Variants in PRKCB observed in about 807,000 individuals in gnomAD.
PRKCB encodes protein kinase C beta.
Under a neutral mutation model 81.5 loss-of-function variants are expected in PRKCB, and 13 were observed. The ratio of observed to expected loss-of-function variants is 0.16; its 90% CI spans 0.10 to 0.25. PRKCB has a LOEUF of 0.25. Ranked by LOEUF, PRKCB falls within the 10% of genes least tolerant of loss-of-function variation. PRKCB has a pLI of 1.00. For synonymous variants in PRKCB, 335 were observed against 321.4 expected (o/e 1.04, Z -0.45); for missense variants, 509 against 875.7 (o/e 0.58, Z 5.29).
chr16:23,878,710 AT>A (rs1486115359), intron 2 of PRKCB, among the ~76,000 whole-genome samples: 1 of 152,232 alleles, frequency 6.6e-6, no homozygotes, highest in African/African-American at 2.4e-5. Context: ...TTATAAATAA[AT>A]TTTAGCAAGA....
intron 2 of PRKCB, among the ~76,000 whole-genome samples, chr16:23,908,204 C>A (rs937826242): frequency 6.6e-6 from 1 of 151,848 alleles, no homozygotes; most frequent in African/African-American, 2.4e-5. Flanking sequence ...AGAGCTGGGG[C>A]GGCGGGGATT....
At chr16:24,109,592 G>A (rs1480110287) in intron 7 of PRKCB, among the ~76,000 whole-genome samples, 1 of 126,922 alleles carries the variant, frequency 7.9e-6, no homozygotes, top group African/African-American at 3.9e-5. Context: ...GTGGGATGGC[G>A]GCCGGGCGGA....
intron 2 of PRKCB, among the ~76,000 whole-genome samples, chr16:23,882,155 T>C (rs1347694060): frequency 2.7e-5 from 4 of 149,804 alleles, no homozygotes; most frequent in Admixed American, 6.7e-5. Context: ...TCACAGCTCA[T>C]GGCAGCCTTG....
At chr16:24,016,702 A>G (rs1363534778) in intron 3 of PRKCB, among the ~76,000 whole-genome samples, 1 of 152,114 alleles carries the variant, frequency 6.6e-6, no homozygotes, top group East Asian at 1.9e-4. Flanking sequence ...TTTCTGGAAA[A>G]ACACAAGAAG....
intron 5 of PRKCB, among the ~76,000 whole-genome samples, chr16:24,077,019 C>T (rs1366813674): frequency 1.3e-5 from 2 of 152,188 alleles, no homozygotes; most frequent in Admixed American, 1.3e-4. Context: ...CCCAGCTGCT[C>T]CCCTGGGATC....
chr16:23,927,317 A>T (rs1342945151), intron 2 of PRKCB, among the ~76,000 whole-genome samples: 2 of 152,046 alleles, frequency 1.3e-5, no homozygotes, highest in Non-Finnish European at 2.9e-5. Context: ...GAAGAACCAA[A>T]ATCACTTTGG....
chr16:24,147,306 CA>C (rs34855077), intron 9 of PRKCB, among the ~76,000 whole-genome samples: 141 of 114,884 alleles, frequency 1.2e-3, no homozygotes, highest in East Asian at 0.011. Context: ...GACTCTGTCT[CA>C]AAAAAAAAAA....
At chr16:23,904,388 C>T (rs184324770) in intron 2 of PRKCB, among the ~76,000 whole-genome samples, 27 of 152,250 alleles carry the variant, frequency 1.8e-4, no homozygotes, top group African/African-American at 4.1e-4. Flanking sequence ...GGAAGCTGGG[C>T]GTGGTGGCTC....
At chr16:24,089,884 T>A (rs1202633387) in intron 5 of PRKCB, among the ~76,000 whole-genome samples, 1 of 152,104 alleles carries the variant, frequency 6.6e-6, no homozygotes, top group Non-Finnish European at 1.5e-5. Flanking sequence ...CAGTTAACAT[T>A]TATTGAGTAT....
chr16:23,877,505 G>A (rs1830150326), intron 2 of PRKCB, among the ~76,000 whole-genome samples: 1 of 152,230 alleles, frequency 6.6e-6, no homozygotes, highest in Middle Eastern at 3.4e-3. Context: ...TAGATTCTGA[G>A]CAGGTAAAGC....
intron 2 of PRKCB, among the ~76,000 whole-genome samples, chr16:23,985,619 C>T (rs1183051010): frequency 6.6e-6 from 1 of 152,150 alleles, no homozygotes; most frequent in Admixed American, 6.5e-5. Context: ...CTAAATTTAA[C>T]ACAATTTCAA....
chr16:23,931,697 C>G (rs1265230069), intron 2 of PRKCB, among the ~76,000 whole-genome samples: 2 of 151,856 alleles, frequency 1.3e-5, no homozygotes, highest in Non-Finnish European at 2.9e-5. Context: ...TCTGGGAGGG[C>G]TGGTGCCTTT....
intron 3 of PRKCB, among the ~76,000 whole-genome samples, chr16:24,016,555 A>G (rs887657348): frequency 5.9e-5 from 9 of 152,180 alleles, no homozygotes; most frequent in African/African-American, 2.2e-4. Context: ...ATAAATGACA[A>G]TAACTTTTCT....
intron 3 of PRKCB, among the ~76,000 whole-genome samples, chr16:24,031,681 A>G (rs1026923383): frequency 6.6e-6 from 1 of 152,210 alleles, no homozygotes; most frequent in African/African-American, 2.4e-5. Context: ...GGAACTGGCA[A>G]TGGTTTCTAA....
chr16:23,979,659 G>C (rs915368111), intron 2 of PRKCB, among the ~76,000 whole-genome samples: 10 of 152,002 alleles, frequency 6.6e-5, no homozygotes, highest in African/African-American at 1.2e-4. Flanking sequence ...GGAAAGCGGG[G>C]GAGGCTTTCT....
intron 9 of PRKCB, among the ~76,000 whole-genome samples, chr16:24,131,466 C>T (rs1484418412): frequency 1.3e-5 from 2 of 152,252 alleles, no homozygotes; most frequent in Non-Finnish European, 2.9e-5. Context: ...AAGATGCTGG[C>T]ATCAACTTTT....
chr16:24,173,930 G>T (rs1367355465), intron 11 of PRKCB, among the ~76,000 whole-genome samples: 2 of 152,132 alleles, frequency 1.3e-5, no homozygotes, highest in African/African-American at 4.8e-5. Context: ...GTGCTGGGGA[G>T]ATGGTAAACC....
chr16:24,142,186 G>T (rs1966911330), intron 9 of PRKCB, among the ~76,000 whole-genome samples: 1 of 152,148 alleles, frequency 6.6e-6, no homozygotes, highest in Non-Finnish European at 1.5e-5. Flanking sequence ...GATAGAGTCA[G>T]GATTTGAGCT....
rs1231076296 is a variant in PRKCB at position 24,212,484 on chromosome 16, T to A, written c.1864-2174T>A. Among the ~76,000 whole-genome samples the A allele has an allele frequency of 2.1e-5, 3 of 142,708 alleles. No homozygotes were observed. The East Asian group carries it at 5.9e-4, about 28-fold the overall frequency. 93.6% of individuals were successfully genotyped at this position (142,708 alleles called of 152,430 possible). A position where few individuals can be genotyped will look rare whatever the true frequency, so the allele number is the denominator to read the frequency against. On this transcript the variant is annotated intron_variant, in intron 16 of 16. Transcript: ENST00000643927. ...TCCTTTTTTTTTTTTTTTTTTTTTT[T>A]TTTCCTTTTTGGAGTCAAGGTCTCA...
Sources: allele counts gnomAD v4.1 joint callset (sites outside exome capture counted in the v4.1 genomes callset), GRCh38; gene constraint gnomAD v4.1.1; transcripts MANE v1.5; gene names NCBI Gene and HGNC (gene_info 2026-07-23, HGNC 2026-07-21).